The following SEM1 variants were observed in gnomAD, a reference collection of about 807,000 sequenced individuals.
The protein encoded by SEM1 is 26S proteasome complex subunit SEM1.
In SEM1, 3 loss-of-function variants were observed where a neutral mutation model predicts 12.7. That is an observed-to-expected ratio of 0.24 (90% CI 0.11 to 0.61). The LOEUF (loss-of-function observed/expected upper bound fraction) is 0.61, where lower values mean the gene tolerates loss of function less well. Ranked by LOEUF, SEM1 falls within the 20% of genes least tolerant of loss-of-function variation. The probability of loss-of-function intolerance (pLI) is 0.88; values close to 1 mark genes in which losing one functional copy is unlikely to be tolerated. For missense variants in SEM1, 59 were observed against 81.3 expected, an observed-to-expected ratio of 0.73 and a Z score of 1.06; for synonymous variants, 30 against 27.8, an observed-to-expected ratio of 1.08 and a Z score of -0.25.
At chr7:96,650,496 A>G (rs761619053) in intron 2 of SEM1, 1 of 756,644 alleles carries the variant, frequency 1.3e-6, no homozygotes, top group Non-Finnish European at 2.4e-6. Flanking sequence ...ATTTAGGGAG[A>G]CAGCTCAGGG....
At chr7:96,531,390 G>A (rs751558297) in intron 2 of SEM1, among the ~76,000 whole-genome samples, 2 of 150,390 alleles carry the variant, frequency 1.3e-5, no homozygotes, top group Admixed American at 6.6e-5. Flanking sequence ...GCAACATGGT[G>A]AGATCCTGTC....
chr7:96,691,505 T>A (rs1170139024), intron 2 of SEM1, among the ~76,000 whole-genome samples: 1 of 152,198 alleles, frequency 6.6e-6, no homozygotes, highest in African/African-American at 2.4e-5. Flanking sequence ...ACCCCAGCAA[T>A]CTGATTCACA....
chr7:96,579,972 A>AT (rs1272807627), intron 2 of SEM1, among the ~76,000 whole-genome samples: 6 of 151,372 alleles, frequency 4.0e-5, no homozygotes, highest in Admixed American at 6.6e-5. Flanking sequence ...TAATTTATTT[A>AT]TTTATTATTA....
chr7:96,541,095 C>T (rs1364807188), intron 2 of SEM1, among the ~76,000 whole-genome samples: 2 of 151,780 alleles, frequency 1.3e-5, no homozygotes, highest in South Asian at 2.1e-4. Context: ...CCTTTGGGTA[C>T]ATATTCAGTA....
chr7:96,696,203 G>A (rs1234648527), intron 1 of SEM1: 5 of 151,706 alleles, frequency 3.3e-5, no homozygotes, highest in African/African-American at 1.2e-4. Context: ...GGCTGGGAAA[G>A]GAAAGGAAAA....
chr7:96,535,258 C>T (rs575732298), intron 2 of SEM1, among the ~76,000 whole-genome samples: 1 of 151,982 alleles, frequency 6.6e-6, no homozygotes, highest in African/African-American at 2.4e-5. Flanking sequence ...TTACAATGGT[C>T]TAGTGTCCTA....
intron 2 of SEM1, among the ~76,000 whole-genome samples, chr7:96,665,642 C>A (rs942924396): frequency 6.6e-6 from 1 of 152,160 alleles, no homozygotes; most frequent in African/African-American, 2.4e-5. Flanking sequence ...AAATATTATT[C>A]ATAGCACTTA....
chr7:96,499,634 G>C (rs1803438684), upstream of SEM1, among the ~76,000 whole-genome samples: 1 of 152,106 alleles, frequency 6.6e-6, no homozygotes, highest in African/African-American at 2.4e-5. Context: ...TCTAAGCCAG[G>C]CATGTACTTA....
At chr7:96,568,981 T>G (rs189382755) in intron 2 of SEM1, among the ~76,000 whole-genome samples, 14 of 152,054 alleles carry the variant, frequency 9.2e-5, no homozygotes, top group Admixed American at 7.2e-4. Context: ...CTAGGACTAT[T>G]GTGAATGTGC....
intron 2 of SEM1, among the ~76,000 whole-genome samples, chr7:96,565,896 A>G (rs905145266): frequency 2.0e-5 from 3 of 151,876 alleles, no homozygotes; most frequent in Non-Finnish European, 2.9e-5. Context: ...TGTACACATT[A>G]TCCTTGTCAT....
intron 2 of SEM1, among the ~76,000 whole-genome samples, chr7:96,571,579 T>C (rs879540616): frequency 6.6e-5 from 10 of 150,986 alleles, no homozygotes; most frequent in African/African-American, 2.4e-4. Flanking sequence ...TATATATACA[T>C]ATATACGCAC....
intron 2 of SEM1, among the ~76,000 whole-genome samples, chr7:96,658,708 T>C (rs1809265590): frequency 6.6e-6 from 1 of 152,172 alleles, no homozygotes; most frequent in Non-Finnish European, 1.5e-5. Flanking sequence ...CGTGAAGACT[T>C]CTGCAATCTT....
At chr7:96,669,209 C>T (rs2116570929), downstream of SEM1, among the ~76,000 whole-genome samples, 2 of 152,248 alleles carry the variant, frequency 1.3e-5, no homozygotes, top group South Asian at 4.1e-4. Flanking sequence ...GAGTGCTGAA[C>T]TCCGAAAGCC....
chr7:96,527,495 C>A (rs950981316), intron 2 of SEM1, among the ~76,000 whole-genome samples: 1 of 152,114 alleles, frequency 6.6e-6, no homozygotes, highest in African/African-American at 2.4e-5. Context: ...TTTACCACTG[C>A]AGCCCTGCTT....
chr7:96,484,994 C>A, intron 2 of SEM1: 1 of 436,016 alleles, frequency 2.3e-6, no homozygotes, highest in South Asian at 1.9e-5. Context: ...TATTAAGTGC[C>A]TCATAGTATA....
At chr7:96,566,041 A>G (rs187443140) in intron 2 of SEM1, among the ~76,000 whole-genome samples, 3 of 151,990 alleles carry the variant, frequency 2.0e-5, no homozygotes, top group East Asian at 1.9e-4. Flanking sequence ...CTAGGCTTTA[A>G]TGAAACATCT....
At chr7:96,595,651 C>T (rs965775494) in intron 2 of SEM1, among the ~76,000 whole-genome samples, 12 of 151,652 alleles carry the variant, frequency 7.9e-5, no homozygotes, top group Admixed American at 5.9e-4. Context: ...TTTTGTTTTT[C>T]GATTTTTAGA....
intron 2 of SEM1, among the ~76,000 whole-genome samples, chr7:96,657,893 G>A (rs999873576): frequency 2.6e-5 from 4 of 152,126 alleles, no homozygotes; most frequent in South Asian, 2.1e-4. Context: ...GGGGAGGCCC[G>A]AGGAGCCACT....
downstream of SEM1, among the ~76,000 whole-genome samples, chr7:96,687,022 GAC>G (rs1176911292): frequency 1.3e-5 from 2 of 152,088 alleles, no homozygotes; most frequent in Non-Finnish European, 2.9e-5. Context: ...GCAGCCAAAA[GAC>G]ACACGAAAAA....
Sources: allele counts gnomAD v4.1 joint callset (sites outside exome capture counted in the v4.1 genomes callset), GRCh38; gene constraint gnomAD v4.1.1; transcripts MANE v1.5; gene names NCBI Gene and HGNC (gene_info 2026-07-23, HGNC 2026-07-21).